IL1RAPL1: variants seen among roughly 807,000 people sequenced by gnomAD.
IL1RAPL1 encodes interleukin 1 receptor accessory protein like 1.
Under a neutral mutation model 48.4 loss-of-function variants are expected in IL1RAPL1, and 3 were observed. The ratio of observed to expected loss-of-function variants is 0.06; its 90% CI spans 0.03 to 0.16. The LOEUF (loss-of-function observed/expected upper bound fraction) is 0.16, where lower values mean the gene tolerates loss of function less well. Among genes scored for constraint, IL1RAPL1 ranks in the 10% least tolerant of loss-of-function variants. The pLI is 1.00. For missense variants in IL1RAPL1, 349 were observed against 530.6 expected, an observed-to-expected ratio of 0.66 and a Z score of 3.36; for synonymous variants, 185 against 187.7, an observed-to-expected ratio of 0.99 and a Z score of 0.12.
chrX:29,581,098 C>G (rs1408102401), intron 5 of IL1RAPL1, among the ~76,000 whole-genome samples: 1 of 112,217 alleles, frequency 8.9e-6, no homozygotes, highest in Non-Finnish European at 1.9e-5. Context: ...GTCAAGTATT[C>G]CTTTAGCATT....
chrX:29,149,222 A>T (rs768925989), intron 2 of IL1RAPL1, among the ~76,000 whole-genome samples: 2 of 110,755 alleles, frequency 1.8e-5, no homozygotes, highest in African/African-American at 6.5e-5. Context: ...TCAGCTACAT[A>T]TGTTTAAAAA....
intron 5 of IL1RAPL1, among the ~76,000 whole-genome samples, chrX:29,518,803 C>A (rs1935473935): frequency 8.9e-6 from 1 of 111,799 alleles, no homozygotes; most frequent in Non-Finnish European, 1.9e-5. Flanking sequence ...AGGTGACATG[C>A]TCCAACGTAC....
At chrX:29,454,294 T>C (rs1443942558) in intron 5 of IL1RAPL1, among the ~76,000 whole-genome samples, 1 of 112,391 alleles carries the variant, frequency 8.9e-6, no homozygotes, top group Non-Finnish European at 1.9e-5. Context: ...AATATGTTCA[T>C]GTCTGTGTAC....
intron 1 of IL1RAPL1, among the ~76,000 whole-genome samples, chrX:28,620,768 T>C (rs1329861705): frequency 1.8e-5 from 2 of 111,992 alleles, no homozygotes. Flanking sequence ...CAAATTCCCA[T>C]ATGAAAAGAG....
At chrX:29,547,370 T>A (rs1275975466) in intron 5 of IL1RAPL1, among the ~76,000 whole-genome samples, 1 of 111,145 alleles carries the variant, frequency 9.0e-6, no homozygotes, top group East Asian at 2.8e-4. Context: ...GAGAGTCTTA[T>A]AAAATGAAGG....
At chrX:29,330,039 G>A (rs1932872330) in intron 3 of IL1RAPL1, among the ~76,000 whole-genome samples, 1 of 110,775 alleles carries the variant, frequency 9.0e-6, no homozygotes, top group South Asian at 3.8e-4. Flanking sequence ...GGAGTGACTG[G>A]TAATAGGTAA....
intron 1 of IL1RAPL1, among the ~76,000 whole-genome samples, chrX:28,779,885 A>G (rs768778545): frequency 1.8e-5 from 2 of 108,741 alleles, no homozygotes; most frequent in South Asian, 7.9e-4. Context: ...AGTTTTATTT[A>G]CATCACTAAT....
chrX:29,032,862 C>T (rs1426640377), intron 2 of IL1RAPL1, among the ~76,000 whole-genome samples: 1 of 112,396 alleles, frequency 8.9e-6, no homozygotes, highest in Non-Finnish European at 1.9e-5. Flanking sequence ...GCAAGTTACC[C>T]TTTCTTGATT....
chrX:29,253,183 T>C (rs936598363), intron 2 of IL1RAPL1, among the ~76,000 whole-genome samples: 1 of 110,716 alleles, frequency 9.0e-6, no homozygotes, highest in Admixed American at 9.7e-5. Flanking sequence ...AAGTATTAAT[T>C]GTATGAAAAG....
Position 29,232,169 on chromosome X carries a change from TTTTG to T in IL1RAPL1, c.83-50766_83-50763del, listed in dbSNP as rs1205211219. On this transcript the variant is annotated intron_variant, in intron 2 of 10. Coordinates refer to ENST00000378993, the MANE Select transcript of IL1RAPL1 (RefSeq NM_014271.4). ...TATATTAAATGTTAGTGAATTTTGT[TTTTG>T]TTCTTTTTGTTTTAAAAAAATAATT... Among the ~76,000 whole-genome samples the T allele has an allele frequency of 3.6e-5, 4 of 111,816 alleles. No individual in the cohort carries two copies. The East Asian group carries it at 8.3e-4, about 23-fold the overall frequency.
At chrX:28,863,268 G>A (rs890150907) in intron 2 of IL1RAPL1, among the ~76,000 whole-genome samples, 4 of 110,566 alleles carry the variant, frequency 3.6e-5, no homozygotes, top group Non-Finnish European at 5.7e-5. Context: ...TTTGCAGGCC[G>A]CATAGTATCT....
At chrX:29,406,387 T>C (rs1023532357) in intron 5 of IL1RAPL1, among the ~76,000 whole-genome samples, 3 of 81,831 alleles carry the variant, frequency 3.7e-5, no homozygotes, top group Non-Finnish European at 8.2e-5. Context: ...AGACTCTGTC[T>C]CAAAAAAAAA....
intron 2 of IL1RAPL1, among the ~76,000 whole-genome samples, chrX:28,904,834 CAA>C (rs1471069772): frequency 8.9e-6 from 1 of 111,749 alleles, no homozygotes. Context: ...AGAGAAATAT[CAA>C]AAGTTTTCCA....
intron 2 of IL1RAPL1, among the ~76,000 whole-genome samples, chrX:28,889,710 T>C (rs1302845647): frequency 9.0e-6 from 1 of 111,475 alleles, no homozygotes; most frequent in Non-Finnish European, 1.9e-5. Context: ...CAGTTTCTCC[T>C]ACCTTCCGTA....
intron 2 of IL1RAPL1, among the ~76,000 whole-genome samples, chrX:28,796,969 A>G (rs994699361): frequency 3.1e-4 from 35 of 112,393 alleles, no homozygotes; most frequent in Admixed American, 1.0e-3. Flanking sequence ...GGAGGTCACC[A>G]AACTTCAATT....
chrX:28,673,325 C>T (rs1020193713), intron 1 of IL1RAPL1, among the ~76,000 whole-genome samples: 1 of 111,962 alleles, frequency 8.9e-6, no homozygotes, highest in African/African-American at 3.2e-5. Flanking sequence ...CCCTTCCTTA[C>T]ACCATATACA....
intron 5 of IL1RAPL1, among the ~76,000 whole-genome samples, chrX:29,469,323 G>A (rs715330): frequency 0.013 from 1,423 of 112,013 alleles, 16 homozygotes; most frequent in African/African-American, 0.044. Context: ...CTGGATGAAC[G>A]AAGAGAACCA....
intron 5 of IL1RAPL1, among the ~76,000 whole-genome samples, chrX:29,498,576 T>A (rs896566111): frequency 8.1e-5 from 9 of 111,412 alleles, no homozygotes; most frequent in African/African-American, 2.9e-4. Context: ...TAAATTGTGG[T>A]TTTTTCTTTT....
At chrX:29,615,181 A>G (rs1021843535) in intron 5 of IL1RAPL1, among the ~76,000 whole-genome samples, 1 of 112,019 alleles carries the variant, frequency 8.9e-6, no homozygotes, top group Non-Finnish European at 1.9e-5. Flanking sequence ...TAGCTCTTCT[A>G]AATGTGAGTA....
Sources: allele counts gnomAD v4.1 joint callset (sites outside exome capture counted in the v4.1 genomes callset), GRCh38; gene constraint gnomAD v4.1.1; transcripts MANE v1.5; gene names NCBI Gene and HGNC (gene_info 2026-07-23, HGNC 2026-07-21).